TCF4: variants seen among roughly 807,000 people sequenced by gnomAD.
TCF4 encodes SL3-3 enhancer factor 2.
A neutral mutation model predicts 82.1 loss-of-function variants in TCF4; 3 were observed. The ratio of observed to expected loss-of-function variants is 0.04; its 90% CI spans 0.02 to 0.09. The LOEUF is 0.09. Ranked by LOEUF, TCF4 falls within the 10% of genes least tolerant of loss-of-function variation. The probability of loss-of-function intolerance (pLI) is 1.00; values close to 1 mark genes in which losing one functional copy is unlikely to be tolerated. For missense variants in TCF4, 518 were observed against 852.7 expected (o/e 0.61, Z 4.89); for synonymous variants, 276 against 309.6 (o/e 0.89, Z 1.14).
intron 3 of TCF4, among the ~76,000 whole-genome samples, chr18:55,522,872 A>G (rs1221563487): frequency 1.3e-5 from 2 of 152,126 alleles, no homozygotes; most frequent in Admixed American, 6.5e-5. Context: ...AATGTACACT[A>G]CAGAAAATAA....
At chr18:55,371,249 C>T in intron 6 of TCF4, among the ~76,000 whole-genome samples, 1 of 152,150 alleles carries the variant, frequency 6.6e-6, no homozygotes, top group Admixed American at 6.5e-5. Flanking sequence ...TTGGTAGAAA[C>T]ATGATCAGAG....
At chr18:55,281,269 A>G (rs1233693045) in intron 8 of TCF4, among the ~76,000 whole-genome samples, 1 of 152,218 alleles carries the variant, frequency 6.6e-6, no homozygotes, top group African/African-American at 2.4e-5. Context: ...TGTCAACCAC[A>G]TCTCAGAATT....
At chr18:55,283,741 ATGCCTGCTATG>A (rs1298226681) in intron 8 of TCF4, among the ~76,000 whole-genome samples, 1 of 152,198 alleles carries the variant, frequency 6.6e-6, no homozygotes, top group Non-Finnish European at 1.5e-5. Flanking sequence ...GGAAATGACA[ATGCCTGCTATG>A]CAAAGTTGTT....
intron 8 of TCF4, among the ~76,000 whole-genome samples, chr18:55,296,470 T>C (rs1318427373): frequency 2.0e-5 from 3 of 152,182 alleles, no homozygotes; most frequent in Non-Finnish European, 4.4e-5. Flanking sequence ...GAGCAGGAAC[T>C]CAAGTCATGG....
At chr18:55,401,408 G>A in intron 6 of TCF4, 2 of 1,073,572 alleles carry the variant, frequency 1.9e-6, no homozygotes, top group Non-Finnish European at 2.3e-6. Flanking sequence ...ACACTCCACG[G>A]CTACATTACG....
chr18:55,617,600 A>G (rs1404163416), intron 2 of TCF4, among the ~76,000 whole-genome samples: 1 of 151,948 alleles, frequency 6.6e-6, no homozygotes, highest in African/African-American at 2.4e-5. Context: ...GTCATCTTCA[A>G]TTTCTCTCAT....
At chr18:55,599,549 C>T (rs190343633) in intron 2 of TCF4, among the ~76,000 whole-genome samples, 6 of 152,212 alleles carry the variant, frequency 3.9e-5, no homozygotes, top group Admixed American at 2.6e-4. Context: ...GGTGAAACCC[C>T]GTCTCTACTA....
intron 15 of TCF4, among the ~76,000 whole-genome samples, chr18:55,240,543 G>A (rs1028940404): frequency 1.3e-5 from 2 of 152,172 alleles, no homozygotes; most frequent in African/African-American, 4.8e-5. Context: ...TTAAAGAGGT[G>A]GGAAGCGGTC....
At chr18:55,376,751 T>C (rs1255709666) in intron 6 of TCF4, among the ~76,000 whole-genome samples, 1 of 152,226 alleles carries the variant, frequency 6.6e-6, no homozygotes, top group Non-Finnish European at 1.5e-5. Context: ...TGGACACCTA[T>C]TTGATGGCTG....
chr18:55,390,305 A>G (rs1603437816), intron 6 of TCF4, among the ~76,000 whole-genome samples: 2 of 150,534 alleles, frequency 1.3e-5, no homozygotes, highest in Non-Finnish European at 1.5e-5. Flanking sequence ...AAAAAAAAAA[A>G]AAAAAGAAAG....
chr18:55,473,799 C>T (rs989476365), intron 3 of TCF4, among the ~76,000 whole-genome samples: 2 of 152,150 alleles, frequency 1.3e-5, no homozygotes, highest in African/African-American at 4.8e-5. Context: ...AGCAGGTTGA[C>T]ATAACACAGG....
chr18:55,355,109 G>A (rs1168285918), intron 6 of TCF4, among the ~76,000 whole-genome samples: 1 of 152,162 alleles, frequency 6.6e-6, no homozygotes. Flanking sequence ...CCTAAGTGAT[G>A]TATAGTGGCT....
chr18:55,414,742 C>T (rs1254065552), intron 5 of TCF4, among the ~76,000 whole-genome samples: 1 of 152,140 alleles, frequency 6.6e-6, no homozygotes, highest in East Asian at 1.9e-4. Flanking sequence ...GTCCTGTGTC[C>T]TGGGAGTAAA....
chr18:55,434,882 T>C (rs1336188753), intron 5 of TCF4, among the ~76,000 whole-genome samples: 2 of 152,026 alleles, frequency 1.3e-5, no homozygotes, highest in African/African-American at 4.8e-5. Flanking sequence ...AATAATCATA[T>C]ATGGGTAAAT....
chr18:55,512,070 G>A (rs575353815), intron 3 of TCF4, among the ~76,000 whole-genome samples: 1 of 152,214 alleles, frequency 6.6e-6, no homozygotes, highest in African/African-American at 2.4e-5. Context: ...AACACAACCA[G>A]ATACTATGTC....
At chr18:55,279,231 C>T (rs1243960956) in intron 9 of TCF4, among the ~76,000 whole-genome samples, 1 of 152,206 alleles carries the variant, frequency 6.6e-6, no homozygotes. Flanking sequence ...TCTAAACAAA[C>T]AGCTACATCG....
intron 6 of TCF4, among the ~76,000 whole-genome samples, chr18:55,365,191 A>ATATATATATATATATATGTGTGTGTG (rs1361444592): frequency 6.1e-5 from 6 of 97,936 alleles, no homozygotes; most frequent in African/African-American, 3.0e-4. Context: ...ATATATATAT[A>ATATATATATATATATATGTGTGTGTG]TGTGTGTGTG....
At chr18:55,450,551 T>C (rs1336250000) in intron 5 of TCF4, among the ~76,000 whole-genome samples, 1 of 152,224 alleles carries the variant, frequency 6.6e-6, no homozygotes, top group Non-Finnish European at 1.5e-5. Flanking sequence ...CAAAACATGT[T>C]TCCTTCGGAT....
chr18:55,297,227 G>GGA (rs1413993930), intron 8 of TCF4, among the ~76,000 whole-genome samples: 41 of 79,046 alleles, frequency 5.2e-4, no homozygotes, highest in African/African-American at 2.3e-3. Context: ...AAAAAGGAAA[G>GGA]AAAGAGTAAA....
Sources: allele counts gnomAD v4.1 joint callset (sites outside exome capture counted in the v4.1 genomes callset), GRCh38; gene constraint gnomAD v4.1.1; transcripts MANE v1.5; gene names NCBI Gene and HGNC (gene_info 2026-07-23, HGNC 2026-07-21).